RRM1: variants seen among roughly 807,000 people sequenced by gnomAD.
RRM1 encodes ribonucleotide reductase catalytic subunit M1.
A neutral mutation model predicts 101.5 loss-of-function variants in RRM1; 19 were observed. The observed-to-expected ratio is 0.19, with a 90% CI of 0.13 to 0.27. The LOEUF (loss-of-function observed/expected upper bound fraction) is 0.27, where lower values mean the gene tolerates loss of function less well. RRM1 is among the 10% of genes least tolerant of loss of function. The pLI, the probability that RRM1 is intolerant of heterozygous loss-of-function variation, is 1.00. For missense variants in RRM1, 500 were observed against 962.9 expected, an observed-to-expected ratio of 0.52 and a Z score of 6.36; for synonymous variants, 298 against 323.4, an observed-to-expected ratio of 0.92 and a Z score of 0.84.
chr11:4,128,931 G>A (rs1442589514), intron 14 of RRM1, 143 bp from the exon 15 acceptor site: 1 of 476,942 alleles, frequency 2.1e-6, no homozygotes, highest in African/African-American at 2.0e-5. Context: ...AATCTCTGGA[G>A]CTTGTATTCC....
chr11:4,121,980 C>G, intron 10 of RRM1, 161 bp from the exon 11 acceptor site: 1 of 674,844 alleles, frequency 1.5e-6, no homozygotes, highest in East Asian at 2.8e-5. Context: ...CATGTATAAA[C>G]AGGCAGACCT....
At chr11:4,138,112 A>C in intron 18 of RRM1, 83 bp from the exon 19 acceptor site, 3 of 645,808 alleles carry the variant, frequency 4.6e-6, no homozygotes, top group East Asian at 3.0e-5. Context: ...GCGGCTGGAC[A>C]GGAATGTATT....
At position 4,100,524 on chromosome 11, in the gene RRM1, T is replaced by C. The variant is rs548187858; in HGVS notation, c.20-1469T>C. Among the ~76,000 whole-genome samples, 4 of 152,366 alleles carry C rather than the reference T, an allele frequency of 2.6e-5. No individual in the cohort carries two copies. The South Asian group carries it at 8.3e-4, about 32-fold the overall frequency. ...TTGGCATTGAAAAAGTTTTGGATTT[T>C]GGAGTGTTTTGGATTTTGGAATTTT... On this transcript the variant is annotated intron_variant, in intron 1 of 18. Transcript: ENST00000300738.
intron 4 of RRM1, among the ~76,000 whole-genome samples, chr11:4,108,981 T>C (rs1253994643): frequency 6.6e-6 from 1 of 152,164 alleles, no homozygotes; most frequent in East Asian, 1.9e-4. Flanking sequence ...TCCAAAATGA[T>C]TATTTGTACG....
At chr11:4,121,813 T>G in intron 10 of RRM1, 48 bp downstream of exon 10, 1 of 1,518,154 alleles carries the variant, frequency 6.6e-7, no homozygotes, top group Non-Finnish European at 8.9e-7. Context: ...TCACATGAGC[T>G]TTCTCTTTTT....
chr11:4,109,036 A>T (rs2094562005), intron 4 of RRM1, among the ~76,000 whole-genome samples: 1 of 152,072 alleles, frequency 6.6e-6, no homozygotes, highest in Admixed American at 6.6e-5. Context: ...GCCTACAAAA[A>T]CTCTGTAACA....
chr11:4,134,942 A>G (rs2094606475), intron 17 of RRM1, 140 bp from the exon 18 acceptor site: 2 of 524,592 alleles, frequency 3.8e-6, no homozygotes, highest in East Asian at 6.4e-5. Flanking sequence ...CTTGATAAGG[A>G]TCATATCATA....
intron 1 of RRM1, among the ~76,000 whole-genome samples, chr11:4,096,840 A>G (rs752446031): frequency 1.3e-5 from 2 of 151,828 alleles, no homozygotes. Flanking sequence ...GATATGGGAG[A>G]GATGTTTAGG....
At chr11:4,133,527 T>C (rs1484591773) in intron 16 of RRM1, 36 bp from the exon 17 acceptor site, 2 of 1,323,372 alleles carry the variant, frequency 1.5e-6, no homozygotes, top group South Asian at 2.4e-5. Context: ...GTCACTGTTA[T>C]TTATTTCTTC....
Position 4,130,080 on chromosome 11 carries a change from ATATATATTTT to A in RRM1, c.1769+932_1769+941del, listed in dbSNP as rs2094596845. Among the ~76,000 whole-genome samples, 9 of 96,346 alleles carry A rather than the reference ATATATATTTT, an allele frequency of 9.3e-5. 1 individual carries two copies. Among genetic ancestry groups the A allele is most frequent in the Admixed American group, 6.1e-4 (6 of 9,838 alleles). 63.2% of individuals were successfully genotyped at this position (96,346 alleles called of 152,430 possible). ...CTGTACTGTATTTATATATATATAT[ATATATATTTT>A]TTTTTTTTTTTTTTCCCCTCAAAAT... is the stretch of plus-strand genomic sequence containing the variant. On this transcript the variant is annotated intron_variant, in intron 15 of 18. Coordinates refer to ENST00000300738, the MANE Select transcript of RRM1 (RefSeq NM_001033.5).
At position 4,138,238 on chromosome 11, in the gene RRM1, C is replaced by T. The variant is rs769690471; in HGVS notation, c.2234C>T (p.Ala745Val). The change falls in exon 19 of 19, where the codon GCT (alanine) becomes GTT (valine). Residue 745 changes from alanine (A) to valine (V), a missense_variant. This residue lies in a region of RRM1 where 79 missense variants were observed against 176.4 expected (regional missense o/e 0.45). Coordinates refer to ENST00000300738, the MANE Select transcript of RRM1 (RefSeq NM_001033.5). ...GMYYLRTRPAANPIQFTLNKE... is the reference protein window; with the variant it reads ...GMYYLRTRPAVNPIQFTLNKE... Reference sequence around the variant, plus strand: ...TATTATTTAAGGACAAGACCAGCGGCTAATCCAATCCAGTTCACTCTAAAT... The same window carrying T: ...TATTATTTAAGGACAAGACCAGCGGTTAATCCAATCCAGTTCACTCTAAAT... The T allele has an allele frequency of 6.2e-7, 1 of 1,601,174 alleles. No individual in the cohort carries two copies. The highest frequency in any genetic ancestry group is 2.2e-5 in the East Asian group (1 of 44,782).
At chr11:4,137,217 C>A (rs557238805) in intron 18 of RRM1, 97 of 260,610 alleles carry the variant, frequency 3.7e-4, no homozygotes, top group African/African-American at 2.1e-3. Flanking sequence ...CTTTTCCCCA[C>A]CTTTCCCGCC....
At chr11:4,116,092 G>A (rs1396945820) in intron 7 of RRM1, 1 of 152,242 alleles carries the variant, frequency 6.6e-6, no homozygotes, top group Non-Finnish European at 1.5e-5. Context: ...AAGTCTCGCT[G>A]TGCCAAAGGT....
rs150605363 is a variant in RRM1 at position 4,121,642 on chromosome 11, T to C, written c.915T>C (p.His305=). Reference sequence around the variant, plus strand: ...TTGCTATTTACCTGGAGCCTTGGCATTTAGACATCTTTGAATTCCTTGATT... The same window carrying C: ...TTGCTATTTACCTGGAGCCTTGGCACTTAGACATCTTTGAATTCCTTGATT... ...GAFAIYLEPW[H]LDIFEFLDLK... Residue 305 remains histidine, a synonymous_variant, in exon 10 of 19, where the codon CAT becomes CAC. Coordinates refer to ENST00000300738, the MANE Select transcript of RRM1 (RefSeq NM_001033.5). 105 of 1,613,820 alleles carry C rather than the reference T, an allele frequency of 6.5e-5. No homozygotes were observed. Among genetic ancestry groups the C allele is most frequent in the Non-Finnish European group, 8.4e-5 (99 of 1,179,894 alleles).
intron 1 of RRM1, among the ~76,000 whole-genome samples, chr11:4,100,037 A>G (rs1237024039): frequency 6.6e-6 from 1 of 152,210 alleles, no homozygotes; most frequent in East Asian, 1.9e-4. Flanking sequence ...CTGAGGTTTC[A>G]GTCCCAGTGC....
chr11:4,127,406 T>A, intron 14 of RRM1, 150 bp downstream of exon 14: 1 of 515,234 alleles, frequency 1.9e-6, no homozygotes, highest in Non-Finnish European at 3.2e-6. Flanking sequence ...CAGATGTAAT[T>A]AAGAACCTTG....
chr11:4,098,845 T>C (rs2094547032), intron 1 of RRM1, among the ~76,000 whole-genome samples: 1 of 152,198 alleles, frequency 6.6e-6, no homozygotes, highest in African/African-American at 2.4e-5. Flanking sequence ...AATGAGATGA[T>C]AGTAAAACAG....
intron 9 of RRM1, among the ~76,000 whole-genome samples, chr11:4,120,571 G>C (rs980904822): frequency 1.3e-5 from 2 of 152,004 alleles, no homozygotes; most frequent in Non-Finnish European, 2.9e-5. Flanking sequence ...TCACTTTCTT[G>C]CCTAGGCTGA....
intron 2 of RRM1, among the ~76,000 whole-genome samples, chr11:4,102,424 G>A (rs1395471148): frequency 6.6e-6 from 1 of 152,168 alleles, no homozygotes; most frequent in South Asian, 2.1e-4. Context: ...TTGGGAGGCT[G>A]AGGTGGGCAG....
Sources: gnomAD v4.1 joint callset for allele counts (sites outside exome capture counted in the v4.1 genomes callset) on GRCh38, gnomAD v4.1.1 for gene constraint, gnomAD v4.1.1 regional missense constraint, MANE v1.5 for transcripts, NCBI Gene and HGNC (gene_info 2026-07-23, HGNC 2026-07-21) for gene names.